The following COL23A1 variants were observed in gnomAD, a reference collection of about 807,000 sequenced individuals.
COL23A1 encodes collagen type XXIII alpha 1 chain.
COL23A1 carries 97 observed loss-of-function variants against 99.3 expected under a neutral mutation model. The observed-to-expected ratio is 0.98, with a 90% CI of 0.83 to 1.16. COL23A1 has a LOEUF of 1.16. COL23A1 is among the 50% of genes most tolerant of loss of function. COL23A1 has a pLI of 0.00. For missense variants in COL23A1, 762 were observed against 757.4 expected (o/e 1.01, Z -0.07); for synonymous variants, 320 against 308.2 (o/e 1.04, Z -0.40).
chr5:178,263,110 C>G (rs1765722167), intron 9 of COL23A1, 98 bp downstream of exon 9: 1 of 880,234 alleles, frequency 1.1e-6, no homozygotes, highest in East Asian at 2.4e-5. Flanking sequence ...AGTGTGGGGT[C>G]TGCACTAGAG....
intron 3 of COL23A1, among the ~76,000 whole-genome samples, chr5:178,298,377 G>T (rs1312252578): frequency 1.3e-5 from 2 of 152,206 alleles, no homozygotes; most frequent in African/African-American, 4.8e-5. Context: ...TAAGCTCTTA[G>T]CCTCTCTGGG....
At chr5:178,245,991 TGA>T in intron 24 of COL23A1, 23 bp from the exon 25 acceptor site, 1 of 1,613,362 alleles carries the variant, frequency 6.2e-7, no homozygotes, top group Non-Finnish European at 8.5e-7. Flanking sequence ...ACAGAGTGGG[TGA>T]GAGGGGTTGG....
intron 2 of COL23A1, among the ~76,000 whole-genome samples, chr5:178,466,779 G>A (rs1013174870): frequency 2.6e-5 from 4 of 152,230 alleles, no homozygotes; most frequent in Admixed American, 2.6e-4. Flanking sequence ...AAGGACTGTT[G>A]GAGCAGCTCT....
At chr5:178,321,466 C>T (rs1033392199) in intron 2 of COL23A1, among the ~76,000 whole-genome samples, 7 of 147,430 alleles carry the variant, frequency 4.7e-5, no homozygotes, top group African/African-American at 1.0e-4. Flanking sequence ...CCTGTGATGA[C>T]GAGGTCACCT....
chr5:178,491,323 G>A (rs573527777), intron 2 of COL23A1, among the ~76,000 whole-genome samples: 55 of 152,252 alleles, frequency 3.6e-4, no homozygotes, highest in African/African-American at 1.3e-3. Flanking sequence ...GAGGACGACA[G>A]TTCTCCTTCT....
At chr5:178,298,824 G>A (rs1757883915) in intron 3 of COL23A1, among the ~76,000 whole-genome samples, 1 of 152,236 alleles carries the variant, frequency 6.6e-6, no homozygotes, top group Non-Finnish European at 1.5e-5. Flanking sequence ...GCCTCCCAAA[G>A]TGCTGGGATT....
At chr5:178,406,328 G>A (rs780249330) in intron 2 of COL23A1, among the ~76,000 whole-genome samples, 5 of 152,054 alleles carry the variant, frequency 3.3e-5, no homozygotes, top group Non-Finnish European at 7.4e-5. Context: ...AGACATGCTA[G>A]TTCTTGGAGA....
At position 178,387,890 on chromosome 5, in the gene COL23A1, C is replaced by A. The variant is rs970125324; in HGVS notation, c.362-80971G>T. On this transcript the variant is annotated intron_variant, in intron 2 of 28. Coordinates refer to ENST00000390654, the MANE Select transcript of COL23A1 (RefSeq NM_173465.4). The surrounding 1 kb of genome is among the most constrained non-coding windows in gnomAD (Gnocchi z 4.7). ...AGCCAAAAGCAACCTGCCTGCAAGG[C>A]CTCCTCCCAAGATGTGGCAGCTGTG... 6.6e-6 allele frequency among the ~76,000 whole-genome samples: 1 copy of A among 152,152 alleles called. No individual in the cohort carries two copies. The highest frequency in any genetic ancestry group is 1.5e-5 in the Non-Finnish European group (1 of 68,038).
intron 1 of COL23A1, among the ~76,000 whole-genome samples, chr5:178,561,667 C>T (rs1184402110): frequency 2.0e-5 from 3 of 152,154 alleles, no homozygotes; most frequent in African/African-American, 2.4e-5. Flanking sequence ...ACAGTTTTAA[C>T]CTTTCTCTAG....
chr5:178,458,573 G>A (rs1038759201), intron 2 of COL23A1, among the ~76,000 whole-genome samples: 3 of 151,858 alleles, frequency 2.0e-5, no homozygotes, highest in Non-Finnish European at 2.9e-5. Flanking sequence ...GGAGGTGGAG[G>A]TTGCAGTGAG....
Position 178,237,729 on chromosome 5 carries a change from C to T in COL23A1, c.*969G>A, listed in dbSNP as rs1016467550. The T allele has an allele frequency of 3.3e-5, 5 of 152,628 alleles. No individual in the cohort carries two copies. Among genetic ancestry groups the T allele is most frequent in the African/African-American group, 1.2e-4 (5 of 41,466 alleles). The allele number at this position is 152,628 out of a possible 1,614,324, so 9.5% of individuals were successfully genotyped here. On this transcript the variant is annotated 3_prime_UTR_variant, in exon 29 of 29. Coordinates refer to ENST00000390654, the MANE Select transcript of COL23A1 (RefSeq NM_173465.4). ...GAACACTTGCTGGAGGTGGAAAAGC[C>T]TCTCGTCAGAGCGTGGGTGGGTCTG... is the stretch of plus-strand genomic sequence containing the variant.
intron 2 of COL23A1, among the ~76,000 whole-genome samples, chr5:178,326,777 T>C (rs1187279056): frequency 6.6e-6 from 1 of 152,250 alleles, no homozygotes; most frequent in African/African-American, 2.4e-5. Flanking sequence ...TGGAGTGCAG[T>C]GGCGCGATTT....
At chr5:178,408,974 ATACACACACAC>A (rs142759086) in intron 2 of COL23A1, among the ~76,000 whole-genome samples, 3,268 of 56,062 alleles carry the variant, frequency 0.058, 129 homozygotes, top group African/African-American at 0.12. Context: ...AAAAAAAAAA[ATACACACACAC>A]ACACACACAC....
chr5:178,261,229 A>G (rs1472762829), intron 11 of COL23A1, among the ~76,000 whole-genome samples: 1 of 152,128 alleles, frequency 6.6e-6, no homozygotes, highest in Admixed American at 6.6e-5. Flanking sequence ...CCTGGCCAAC[A>G]TGGTGAAACC....
At chr5:178,243,233 A>G (rs1344136076) in intron 25 of COL23A1, among the ~76,000 whole-genome samples, 1 of 151,348 alleles carries the variant, frequency 6.6e-6, no homozygotes, top group African/African-American at 2.4e-5. Flanking sequence ...CCCGCCTGTA[A>G]TCCTAGCACT....
chr5:178,503,255 T>C (rs949054536), intron 2 of COL23A1, among the ~76,000 whole-genome samples: 1 of 151,884 alleles, frequency 6.6e-6, no homozygotes, highest in Admixed American at 6.6e-5. Flanking sequence ...GTGGCTGAGA[T>C]AAGAGAATCA....
At chr5:178,249,434 G>A (rs576196386) in intron 18 of COL23A1, among the ~76,000 whole-genome samples, 1 of 152,198 alleles carries the variant, frequency 6.6e-6, no homozygotes, top group Admixed American at 6.5e-5. Flanking sequence ...GGCAGGGGCC[G>A]GGGCAGATGG....
chr5:178,406,490 C>T (rs975295685), intron 2 of COL23A1, among the ~76,000 whole-genome samples: 8 of 148,004 alleles, frequency 5.4e-5, no homozygotes, highest in East Asian at 2.0e-4. Flanking sequence ...AGTGAAATGG[C>T]GACATCTCGG....
At chr5:178,263,048 G>T (rs947618902) in intron 9 of COL23A1, among the ~76,000 whole-genome samples, 160 bp downstream of exon 9, 10 of 152,106 alleles carry the variant, frequency 6.6e-5, no homozygotes, top group African/African-American at 2.4e-4. Flanking sequence ...GCTGGATCTT[G>T]GTTGGAGTTA....
Sources: gnomAD v4.1 joint callset for allele counts (sites outside exome capture counted in the v4.1 genomes callset) on GRCh38, gnomAD v4.1.1 for gene constraint, Gnocchi (gnomAD v3.1) non-coding constraint, MANE v1.5 for transcripts, NCBI Gene and HGNC (gene_info 2026-07-23, HGNC 2026-07-21) for gene names.